ABCC3: variants seen among roughly 807,000 people sequenced by gnomAD.
ABCC3 encodes ATP-binding cassette sub-family C member 3.
In ABCC3, 121 loss-of-function variants were observed where a neutral mutation model predicts 165.3. The ratio of observed to expected loss-of-function variants is 0.73; its 90% CI spans 0.63 to 0.85. The LOEUF is 0.85. Among genes scored for constraint, ABCC3 ranks in the 40% least tolerant of loss-of-function variants. ABCC3 has a pLI of 0.00. For synonymous variants in ABCC3, 733 were observed against 810.1 expected (o/e 0.90, Z 1.62); for missense variants, 1,869 against 1,964.1 (o/e 0.95, Z 0.92).
intron 25 of ABCC3, 49 bp from the exon 26 acceptor site, chr17:50,679,749 C>A: frequency 6.5e-7 from 1 of 1,533,380 alleles, no homozygotes. Context: ...AAAGCCATTA[C>A]GGTGGGGAGG....
intron 1 of ABCC3, among the ~76,000 whole-genome samples, chr17:50,652,868 A>G (rs944098944): frequency 1.3e-5 from 2 of 152,216 alleles, no homozygotes; most frequent in Admixed American, 6.5e-5. Flanking sequence ...ATAAACTTGG[A>G]GAACACAAAA....
rs1452467482 is a variant in ABCC3, at chr17:50,680,415, C to T, written c.3807+516C>T. On this transcript the variant is annotated intron_variant, in intron 26 of 30. Transcript: ENST00000285238. ...CTACTGGGGGTTCCAGACTTTTCTCCACCGCCCCCTCTCATGGTCACACCT... is the reference window on the plus strand; with the variant it reads ...CTACTGGGGGTTCCAGACTTTTCTCTACCGCCCCCTCTCATGGTCACACCT... Among the ~76,000 whole-genome samples the T allele has an allele frequency of 2.0e-5, 3 of 152,210 alleles. No homozygotes were observed. The East Asian group carries it at 5.8e-4, about 29-fold the overall frequency.
In ABCC3 at chr17:50,656,812, G is replaced by A. The variant is rs35206567; in HGVS notation, c.333G>A (p.Val111=). 2.5e-6 allele frequency: 4 copies of A among 1,611,474 alleles called. No homozygotes were observed. The African/African-American group carries it at 4.0e-5, about 16-fold the overall frequency. ...PAPVFFVTPL[V]VGVTMLLATL... ...CTGTTTTCTTTGTCACCCCCTTGGT[G>A]GTGGGGGTCACCATGGTCAGTGTGG... The change falls in exon 3 of 31, where the codon GTG becomes GTA. Residue 111 remains valine, a synonymous_variant. Transcript: ENST00000285238.
chr17:50,658,588 G>A (rs1410652026), intron 6 of ABCC3, 92 bp downstream of exon 6: 32 of 1,417,102 alleles, frequency 2.3e-5, no homozygotes, highest in African/African-American at 2.8e-5. Context: ...TTTAGGGACC[G>A]GGCTGGCCAC....
intron 30 of ABCC3, among the ~76,000 whole-genome samples, chr17:50,689,752 G>A (rs1421888453): frequency 7.9e-5 from 12 of 152,150 alleles, no homozygotes; most frequent in Non-Finnish European, 1.3e-4. Context: ...CCCACTGGGA[G>A]AAGGGAGGGT....
At chr17:50,643,189 C>T (rs957855501) in intron 1 of ABCC3, among the ~76,000 whole-genome samples, 12 of 152,206 alleles carry the variant, frequency 7.9e-5, no homozygotes, top group African/African-American at 2.2e-4. Context: ...ATGGGATGTA[C>T]ACTCCGGCCC....
At chr17:50,640,890 C>A (rs2054224742) in intron 1 of ABCC3, among the ~76,000 whole-genome samples, 2 of 152,170 alleles carry the variant, frequency 1.3e-5, no homozygotes, top group Non-Finnish European at 2.9e-5. Context: ...TCTCTCCACG[C>A]CTTCATTGCT....
At position 50,667,698 on chromosome 17, in the gene ABCC3, C is replaced by T. The variant is rs180746726; in HGVS notation, c.1576C>T (p.Arg526Cys). 169 of 1,614,092 alleles carry T rather than the reference C, an allele frequency of 1.0e-4. 4 individuals carry two copies. The South Asian group carries it at 1.6e-3, about 15-fold the overall frequency. ...GIRQGELQLL[R>C]TAAYLHTTTT... is the part of the protein sequence containing the mutation. ...CAGGCAGGGTGAGCTCCAGCTGCTG[C>T]GCACGGCGGCCTACCTCCACACCAC... Residue 526 changes from arginine to cysteine, a missense_variant, in exon 12 of 31, where the codon CGC (arginine) becomes TGC (cysteine). Coordinates refer to ENST00000285238, the MANE Select transcript of ABCC3 (RefSeq NM_003786.4).
rs1401513242 is a variant in ABCC3, at chr17:50,676,900, C to T, written c.3378+312C>T. Among the ~76,000 whole-genome samples, 37 of 116,988 alleles carry T rather than the reference C, an allele frequency of 3.2e-4. 1 individual carries two copies. The East Asian group carries it at 3.9e-3, about 12-fold the overall frequency. The allele number at this position is 116,988 out of a possible 152,430, so 76.7% of individuals were successfully genotyped here. A position where few individuals can be genotyped will look rare whatever the true frequency, so the allele number is the denominator to read the frequency against. On this transcript the variant is annotated intron_variant, in intron 23 of 30. Coordinates refer to ENST00000285238, the MANE Select transcript of ABCC3 (RefSeq NM_003786.4). ...CTTTTTTTTTTTGGGGGGGGGGGGA[C>T]GGAATCTCGAGTCTCGCTCTGTCGC... is the stretch of plus-strand genomic sequence containing the variant.
chr17:50,669,556 G>A, intron 17 of ABCC3, 28 bp downstream of exon 17: 2 of 1,610,540 alleles, frequency 1.2e-6, no homozygotes, highest in Non-Finnish European at 1.7e-6. Flanking sequence ...ATCCCTAAGA[G>A]GCTAGGGCAT....
At chr17:50,638,467 G>A (rs961957429) in intron 1 of ABCC3, among the ~76,000 whole-genome samples, 31 of 152,294 alleles carry the variant, frequency 2.0e-4, no homozygotes, top group Middle Eastern at 3.4e-3. Flanking sequence ...ACTGCTTGGC[G>A]GAGATGCTGG....
At chr17:50,691,038 T>C in intron 30 of ABCC3, 54 bp from the exon 31 acceptor site, 2 of 1,414,062 alleles carry the variant, frequency 1.4e-6, no homozygotes, top group Non-Finnish European at 1.0e-6. Context: ...GATTAGACGA[T>C]GTGACCAGGT....
chr17:50,668,968 G>GA (rs1291033298), intron 15 of ABCC3, 49 bp downstream of exon 15: 1 of 1,605,188 alleles, frequency 6.2e-7, no homozygotes, highest in Admixed American at 1.7e-5. Flanking sequence ...TGGGCTGGAA[G>GA]TTCAGATCAA....
At chr17:50,690,014 C>T (rs1968090086) in intron 30 of ABCC3, among the ~76,000 whole-genome samples, 2 of 152,188 alleles carry the variant, frequency 1.3e-5, no homozygotes, top group Non-Finnish European at 2.9e-5. Context: ...GCTATCCACA[C>T]AGGGTGGCCA....
chr17:50,683,850 T>C, intron 27 of ABCC3, 94 bp downstream of exon 27: 1 of 1,560,160 alleles, frequency 6.4e-7, no homozygotes, highest in Non-Finnish European at 8.7e-7. Flanking sequence ...AGAGCACAAG[T>C]GCTCCAGCCA....
At chr17:50,649,687 GGGAA>G (rs1216125274) in intron 1 of ABCC3, among the ~76,000 whole-genome samples, 3 of 146,894 alleles carry the variant, frequency 2.0e-5, no homozygotes, top group Non-Finnish European at 3.0e-5. Flanking sequence ...AGGGAGGGAA[GGGAA>G]GGAGGGAGGG....
chr17:50,682,146 C>T (rs1037631817), intron 26 of ABCC3, among the ~76,000 whole-genome samples: 2 of 152,184 alleles, frequency 1.3e-5, no homozygotes, highest in South Asian at 2.1e-4. Flanking sequence ...ATAGTCACAG[C>T]GTCCCCACTC....
intron 1 of ABCC3, among the ~76,000 whole-genome samples, chr17:50,643,846 T>G (rs1597838501): frequency 1.3e-5 from 2 of 149,416 alleles, no homozygotes; most frequent in African/African-American, 4.9e-5. Context: ...GGAGATGCCA[T>G]GGGGGGGGTC....
intron 1 of ABCC3, among the ~76,000 whole-genome samples, chr17:50,648,364 G>A (rs1967045416): frequency 6.6e-6 from 1 of 152,170 alleles, no homozygotes; most frequent in Non-Finnish European, 1.5e-5. Flanking sequence ...GCGGCTGCTA[G>A]GAGAATGCAT....
Sources: allele counts gnomAD v4.1 joint callset (sites outside exome capture counted in the v4.1 genomes callset), GRCh38; gene constraint gnomAD v4.1.1; transcripts MANE v1.5; gene names NCBI Gene and HGNC (gene_info 2026-07-23, HGNC 2026-07-21).